The following NWD1 variants were observed in gnomAD, a reference collection of about 807,000 sequenced individuals.
NWD1 encodes NACHT and WD repeat domain containing 1.
NWD1 carries 129 observed loss-of-function variants against 135.1 expected under a neutral mutation model. That is an observed-to-expected ratio of 0.96 (90% CI 0.83 to 1.11). The LOEUF (loss-of-function observed/expected upper bound fraction) is 1.11. Ranked by LOEUF, NWD1 falls within the 50% of genes least tolerant of loss-of-function variation. NWD1 has a pLI of 0.00. For missense variants in NWD1, 1,740 were observed against 1,851.3 expected (o/e 0.94, Z 1.10); for synonymous variants, 773 against 786.0 (o/e 0.98, Z 0.28).
At chr19:16,813,533 G>A (rs534118414) in intron 18 of NWD1, among the ~76,000 whole-genome samples, 1 of 152,132 alleles carries the variant, frequency 6.6e-6, no homozygotes, top group East Asian at 1.9e-4. Context: ...CTGGAGTGCA[G>A]TGGTGCAATC....
chr19:16,778,598 T>G (rs1969745430), intron 11 of NWD1, among the ~76,000 whole-genome samples: 1 of 151,142 alleles, frequency 6.6e-6, no homozygotes, highest in African/African-American at 2.4e-5. Flanking sequence ...AACCTCCACC[T>G]CCTGGGCTCA....
intron 18 of NWD1, among the ~76,000 whole-genome samples, chr19:16,811,032 A>AT (rs1301850618): frequency 1.3e-5 from 2 of 152,002 alleles, no homozygotes; most frequent in Non-Finnish European, 2.9e-5. Flanking sequence ...CACCTGGCTA[A>AT]TTTTTTAATT....
At chr19:16,748,869 A>C (rs895646762) in intron 5 of NWD1, among the ~76,000 whole-genome samples, 2 of 152,074 alleles carry the variant, frequency 1.3e-5, no homozygotes, top group Non-Finnish European at 2.9e-5. Flanking sequence ...TGGCTTAACT[A>C]GTGTAACTCT....
intron 8 of NWD1, among the ~76,000 whole-genome samples, chr19:16,762,738 G>C (rs2122889553): frequency 6.6e-6 from 1 of 152,110 alleles, no homozygotes; most frequent in East Asian, 1.9e-4. Context: ...GCAGGACCAG[G>C]CTCTATTCTT....
At chr19:16,764,055 C>T in intron 9 of NWD1, 110 bp downstream of exon 9, 3 of 689,232 alleles carry the variant, frequency 4.4e-6, no homozygotes. Context: ...TTCGTTCCTC[C>T]TAAGGCAGAG....
intron 14 of NWD1, among the ~76,000 whole-genome samples, chr19:16,792,801 C>T (rs1397880185): frequency 1.4e-5 from 2 of 147,454 alleles, no homozygotes; most frequent in African/African-American, 2.5e-5. Flanking sequence ...CACTTGAACC[C>T]GGGAGGTGGA....
intron 1 of NWD1, among the ~76,000 whole-genome samples, chr19:16,723,715 T>G (rs1424005742): frequency 6.9e-6 from 1 of 144,932 alleles, no homozygotes; most frequent in African/African-American, 2.6e-5. Flanking sequence ...TTTGTTTTGT[T>G]TTGAGATGGA....
chr19:16,733,884 TC>T (rs1253983654), intron 3 of NWD1, among the ~76,000 whole-genome samples: 1 of 151,844 alleles, frequency 6.6e-6, no homozygotes, highest in South Asian at 2.1e-4. Context: ...TCATTGTTCC[TC>T]CCCCTTTCTT....
At chr19:16,800,294 G>C in intron 17 of NWD1, 132 bp downstream of exon 17, 1 of 934,018 alleles carries the variant, frequency 1.1e-6, no homozygotes, top group Non-Finnish European at 1.6e-6. Flanking sequence ...AGGACTTTGG[G>C]AGGCCTTGGC....
intron 6 of NWD1, among the ~76,000 whole-genome samples, chr19:16,757,807 T>A (rs1189569632): frequency 3.9e-5 from 6 of 152,114 alleles, no homozygotes; most frequent in African/African-American, 1.4e-4. Flanking sequence ...ATCCCAACAC[T>A]TTGGGAGGCT....
rs139822628 is a variant in NWD1, at chr19:16,802,196, C to T, written c.3736+2034C>T. 5.1e-4 allele frequency among the ~76,000 whole-genome samples: 78 copies of T among 151,884 alleles called. No homozygotes were observed. In the South Asian group the frequency reaches 6.9e-3, roughly 13 times the overall value. On this transcript the variant is annotated intron_variant, in intron 17 of 18. Coordinates refer to ENST00000524140, the MANE Select transcript of NWD1 (RefSeq NM_001007525.5). ...CTGTTCAGGAGGGAGGCAGGAGAAT[C>T]GCTTGAGCCCGGCAGGCAGAGGTTG...
chr19:16,737,995 GAAAAGAAA>G (rs1967902993), intron 4 of NWD1, among the ~76,000 whole-genome samples: 1 of 150,628 alleles, frequency 6.6e-6, no homozygotes, highest in Non-Finnish European at 1.5e-5. Flanking sequence ...GAAAAGAAAA[GAAAAGAAA>G]AGAAAAGAAA....
chr19:16,811,820 A>G (rs1470725204), intron 18 of NWD1, among the ~76,000 whole-genome samples: 1 of 152,122 alleles, frequency 6.6e-6, no homozygotes, highest in African/African-American at 2.4e-5. Flanking sequence ...GTTTGGGACC[A>G]GCCTGGCCAA....
Position 16,800,036 on chromosome 19 carries a change from A to G in NWD1, c.3610A>G (p.Arg1204Gly). ...GGTCTGGGATCTCAGCGATGCTCAT[A>G]GGTCCCGGGTGCCTGCACCATTTCT... ...FKVWDLSDAH[R>G]SRVPAPFLDR... The change falls in exon 17 of 19, where the codon AGG (arginine) becomes GGG (glycine). Residue 1204 changes from arginine to glycine, a missense_variant. Coordinates refer to ENST00000524140, the MANE Select transcript of NWD1 (RefSeq NM_001007525.5). 1 of 1,614,212 alleles carries G rather than the reference A, an allele frequency of 6.2e-7. No homozygotes were observed. The highest frequency in any genetic ancestry group is 8.5e-7 in the Non-Finnish European group (1 of 1,180,034).
chr19:16,739,875 G>T (rs1641954008), intron 4 of NWD1, among the ~76,000 whole-genome samples: 1 of 152,186 alleles, frequency 6.6e-6, no homozygotes, highest in Non-Finnish European at 1.5e-5. Flanking sequence ...TGATCCCACA[G>T]ATTGGAGCAG....
intron 12 of NWD1, among the ~76,000 whole-genome samples, chr19:16,785,320 TG>T: frequency 6.6e-6 from 1 of 152,172 alleles, no homozygotes. Flanking sequence ...GAGACCAGCC[TG>T]GACAACATGG....
intron 18 of NWD1, among the ~76,000 whole-genome samples, chr19:16,810,505 T>C (rs1170243304): frequency 6.8e-6 from 1 of 147,218 alleles, no homozygotes; most frequent in Non-Finnish European, 1.5e-5. Flanking sequence ...CAGCAACTCA[T>C]GCCTGTAATC....
At chr19:16,728,672 C>T (rs919814763) in intron 2 of NWD1, among the ~76,000 whole-genome samples, 5 of 151,832 alleles carry the variant, frequency 3.3e-5, no homozygotes, top group Admixed American at 1.3e-4. Context: ...AGGCCGGGTG[C>T]AGTGGCTCAC....
At chr19:16,756,244 T>A (rs991192363) in intron 6 of NWD1, among the ~76,000 whole-genome samples, 2 of 152,058 alleles carry the variant, frequency 1.3e-5, no homozygotes, top group African/African-American at 4.8e-5. Context: ...AGAGCAAGAC[T>A]CTGCCTCAAA....
Sources: gnomAD v4.1 joint callset for allele counts (sites outside exome capture counted in the v4.1 genomes callset) on GRCh38, gnomAD v4.1.1 for gene constraint, MANE v1.5 for transcripts, NCBI Gene and HGNC (gene_info 2026-07-23, HGNC 2026-07-21) for gene names.